ATXN1: variants seen among roughly 807,000 people sequenced by gnomAD.
ATXN1 encodes ataxin 1, also known as ataxin-1.
Under a neutral mutation model 56.4 loss-of-function variants are expected in ATXN1, and 8 were observed. The ratio of observed to expected loss-of-function variants is 0.14; its 90% confidence interval spans 0.08 to 0.26. ATXN1 has a LOEUF of 0.26. Among genes scored for constraint, ATXN1 ranks in the 10% least tolerant of loss-of-function variants. The pLI, the probability that ATXN1 is intolerant of heterozygous loss-of-function variation, is 1.00. For missense variants in ATXN1, 987 were observed against 1,106.5 expected (o/e 0.89, Z 1.53); for synonymous variants, 514 against 494.6 (o/e 1.04, Z -0.52).
At chr6:16,667,716 T>C (rs1257314776) in intron 2 of ATXN1, among the ~76,000 whole-genome samples, 2 of 152,226 alleles carry the variant, frequency 1.3e-5, no homozygotes, top group Non-Finnish European at 2.9e-5. Context: ...AGTGTTATCC[T>C]TTTGAAGTGC....
At position 16,714,181 on chromosome 6, in the gene ATXN1, CCACACACACACACACACA is replaced by C. The variant is rs70999343; in HGVS notation, c.-615+39034_-615+39051del. On this transcript the variant is annotated intron_variant, in intron 2 of 7. Transcript: ENST00000436367. ...AAAGAAAGAAAAAAAAAACCACACA[CCACACACACACACACACA>C]CACACACACACACACACACACACAC... Among the ~76,000 whole-genome samples, 229 of 137,630 alleles carry C rather than the reference CCACACACACACACACACA, an allele frequency of 1.7e-3. 2 individuals carry two copies. Among genetic ancestry groups the C allele is most frequent in the East Asian group, 3.9e-3 (19 of 4,818 alleles). 90.3% of individuals were successfully genotyped at this position (137,630 alleles called of 152,430 possible).
chr6:16,382,500 C>A (rs1216201039), intron 6 of ATXN1, among the ~76,000 whole-genome samples: 3 of 151,924 alleles, frequency 2.0e-5, no homozygotes, highest in Non-Finnish European at 2.9e-5. Flanking sequence ...GAAGGTTTTG[C>A]TTTTTTAGAA....
At chr6:16,446,936 T>C (rs2113606940) in intron 6 of ATXN1, among the ~76,000 whole-genome samples, 1 of 152,302 alleles carries the variant, frequency 6.6e-6, no homozygotes, top group Non-Finnish European at 1.5e-5. Context: ...GAAGATAAGT[T>C]TGCATTTTTA....
intron 7 of ATXN1, among the ~76,000 whole-genome samples, chr6:16,311,055 A>T (rs1374684099): frequency 1.3e-5 from 2 of 152,180 alleles, no homozygotes; most frequent in Admixed American, 1.3e-4. Flanking sequence ...TCCTGTGTGT[A>T]TTACTGGGGG....
chr6:16,441,168 A>G (rs1759510733), intron 6 of ATXN1, among the ~76,000 whole-genome samples: 1 of 152,194 alleles, frequency 6.6e-6, no homozygotes, highest in South Asian at 2.1e-4. Flanking sequence ...CTTGAGACCA[A>G]CAAATCTAAG....
rs954389148 is a variant in ATXN1 at position 16,585,911 on chromosome 6, T to A, written c.-488-4A>T. 2 of 152,184 alleles carry A rather than the reference T, an allele frequency of 1.3e-5. No individual in the cohort carries two copies. Among genetic ancestry groups the A allele is most frequent in the Non-Finnish European group, 2.9e-5 (2 of 68,036 alleles). 9.4% of individuals were successfully genotyped at this position (152,184 alleles called of 1,614,324 possible). ...TCTCAGTGTAAAACGCCTAGACCTG[T>A]AATTATAAAAACAATATTCTCACTG... On this transcript the variant is annotated splice_region_variant and splice_polypyrimidine_tract_variant and intron_variant, in intron 3 of 7. Transcript: ENST00000436367.
Position 16,327,103 on chromosome 6 carries a change from C to G in ATXN1, c.1208G>C (p.Arg403Pro), listed in dbSNP as rs1224489105. ...ADLEVQQATHREASPSTLNDK... is the reference protein window; with the variant it reads ...ADLEVQQATHPEASPSTLNDK... ...GTTGAGGGTAGAAGGGGAGGCTTCACGATGAGTGGCCTGTTGCACCTCCAG... is the reference window on the plus strand; with the variant it reads ...GTTGAGGGTAGAAGGGGAGGCTTCAGGATGAGTGGCCTGTTGCACCTCCAG... The change falls in exon 7 of 8, where the codon CGT (arginine) becomes CCT (proline). Residue 403 changes from arginine (R) to proline (P), a missense_variant. Coordinates refer to ENST00000436367, the MANE Select transcript of ATXN1 (RefSeq NM_001128164.2). The G allele has an allele frequency of 1.2e-6, 2 of 1,613,638 alleles. No individual in the cohort carries two copies. The highest frequency in any genetic ancestry group is 4.5e-5 in the East Asian group (2 of 44,882).
At chr6:16,594,990 T>C (rs980214212) in intron 3 of ATXN1, among the ~76,000 whole-genome samples, 3 of 152,200 alleles carry the variant, frequency 2.0e-5, no homozygotes, top group African/African-American at 7.2e-5. Flanking sequence ...CATGACCTTC[T>C]TTCCTAGTCA....
At chr6:16,323,574 G>A (rs1370304602) in intron 7 of ATXN1, among the ~76,000 whole-genome samples, 1 of 147,632 alleles carries the variant, frequency 6.8e-6, no homozygotes. Flanking sequence ...TCTGGTTTCT[G>A]CAGAGGCTGC....
intron 2 of ATXN1, among the ~76,000 whole-genome samples, chr6:16,679,368 GTGGGTGGATGGA>G (rs1758764393): frequency 9.3e-6 from 1 of 107,334 alleles, no homozygotes; most frequent in South Asian, 3.1e-4. Context: ...GGATAGGTGG[GTGGGTGGATGGA>G]TGGATGGATG....
chr6:16,662,611 G>GCA (rs1758342190), intron 2 of ATXN1, among the ~76,000 whole-genome samples: 1 of 152,234 alleles, frequency 6.6e-6, no homozygotes, highest in Admixed American at 6.5e-5. Flanking sequence ...TGGGATTACA[G>GCA]GCGTGGGCCA....
rs200636837 is a variant in ATXN1, at chr6:16,640,764, AGAGT to A, written c.-489+17008_-489+17011del. 2.9e-3 allele frequency among the ~76,000 whole-genome samples: 449 copies of A among 152,342 alleles called. 17 individuals carry two copies. The East Asian group carries it at 0.074, about 25-fold the overall frequency. ...GCCGCTAAGCATTCAAGTGAAAGGAAGAGTGAGTCACATACCTCTCAATTTAAAT... is the reference window on the plus strand; with the variant it reads ...GCCGCTAAGCATTCAAGTGAAAGGAAGAGTCACATACCTCTCAATTTAAAT... On this transcript the variant is annotated intron_variant, in intron 3 of 7. Coordinates refer to ENST00000436367, the MANE Select transcript of ATXN1 (RefSeq NM_001128164.2).
intron 2 of ATXN1, among the ~76,000 whole-genome samples, chr6:16,707,327 A>G (rs1311568562): frequency 6.6e-6 from 1 of 152,152 alleles, no homozygotes; most frequent in African/African-American, 2.4e-5. Context: ...GAAATCTGAT[A>G]TTTGCCACTC....
At chr6:16,430,039 T>C (rs969696483) in intron 6 of ATXN1, among the ~76,000 whole-genome samples, 38 of 152,272 alleles carry the variant, frequency 2.5e-4, no homozygotes, top group Non-Finnish European at 8.8e-5. Context: ...TGGAGTGACA[T>C]TATTTTTGTG....
chr6:16,395,865 A>G (rs555252612), intron 6 of ATXN1, among the ~76,000 whole-genome samples: 1 of 152,144 alleles, frequency 6.6e-6, no homozygotes, highest in Admixed American at 6.5e-5. Context: ...AAATACAAAA[A>G]TTAGCTGGGC....
At chr6:16,364,165 T>C (rs1761869784) in intron 6 of ATXN1, among the ~76,000 whole-genome samples, 1 of 150,708 alleles carries the variant, frequency 6.6e-6, no homozygotes, top group African/African-American at 2.4e-5. Context: ...CACTAAACCA[T>C]GGCACTTAGG....
chr6:16,422,677 A>G (rs370337296), intron 6 of ATXN1, among the ~76,000 whole-genome samples: 1 of 152,118 alleles, frequency 6.6e-6, no homozygotes, highest in East Asian at 1.9e-4. Flanking sequence ...CCCAAGACAC[A>G]CCTATGCCTT....
At position 16,336,515 on chromosome 6, in the gene ATXN1, A is replaced by G. The variant is rs1247560156; in HGVS notation, c.-160-8045T>C. Reference sequence around the variant, plus strand: ...GACCTCAGGCTCAGCAGCCAAGTTCAAGACCACCCACCCAATTGTGATCCA... The same window carrying G: ...GACCTCAGGCTCAGCAGCCAAGTTCGAGACCACCCACCCAATTGTGATCCA... On this transcript the variant is annotated intron_variant, in intron 6 of 7. Coordinates refer to ENST00000436367, the MANE Select transcript of ATXN1 (RefSeq NM_001128164.2). 3.9e-5 allele frequency among the ~76,000 whole-genome samples: 6 copies of G among 152,296 alleles called. No individual in the cohort carries two copies. In the East Asian group the frequency reaches 1.2e-3, roughly 29 times the overall value.
chr6:16,703,946 G>A (rs138767035), intron 2 of ATXN1, among the ~76,000 whole-genome samples: 1 of 152,160 alleles, frequency 6.6e-6, no homozygotes, highest in Non-Finnish European at 1.5e-5. Context: ...TTGAACCTGG[G>A]GGGTGGAGGT....
Sources: allele counts gnomAD v4.1 joint callset (sites outside exome capture counted in the v4.1 genomes callset), GRCh38; gene constraint gnomAD v4.1.1; transcripts MANE v1.5; gene names NCBI Gene and HGNC (gene_info 2026-07-23, HGNC 2026-07-21).